Variants in CSMD1 observed in about 807,000 individuals in gnomAD.
CSMD1 encodes the protein CUB and Sushi multiple domains 1.
In CSMD1, 213 loss-of-function variants were observed where a neutral mutation model predicts 417.5. That is an observed-to-expected ratio of 0.51 (90% confidence interval 0.46 to 0.57). The LOEUF is 0.57. CSMD1 is among the 20% of genes least tolerant of loss of function. The probability of loss-of-function intolerance (pLI) is 0.00; values close to 1 mark genes in which losing one functional copy is unlikely to be tolerated. For missense variants in CSMD1, 6,923 were observed against 4,529.7 expected (o/e 1.53, Z -15.17); for synonymous variants, 2,862 against 1,736.8 (o/e 1.65, Z -16.11).
intron 3 of CSMD1, among the ~76,000 whole-genome samples, chr8:4,121,222 C>G (rs1426040161): frequency 6.6e-6 from 1 of 152,094 alleles, no homozygotes; most frequent in African/African-American, 2.4e-5. Flanking sequence ...TCAAGCAATT[C>G]TCCTGCCTCA....
chr8:3,261,250 C>A (rs1317191234), intron 26 of CSMD1, among the ~76,000 whole-genome samples: 2 of 152,140 alleles, frequency 1.3e-5, no homozygotes, highest in African/African-American at 2.4e-5. Context: ...AACAGAATCA[C>A]GTACGCGTTG....
intron 51 of CSMD1, among the ~76,000 whole-genome samples, chr8:3,026,620 C>T (rs183162119): frequency 2.3e-4 from 35 of 152,018 alleles, no homozygotes; most frequent in African/African-American, 5.6e-4. Flanking sequence ...TGGACCTCAC[C>T]GGGCCTCCAG....
intron 5 of CSMD1, among the ~76,000 whole-genome samples, chr8:3,920,660 A>T (rs1407258551): frequency 1.3e-5 from 2 of 152,062 alleles, no homozygotes; most frequent in Admixed American, 1.3e-4. Flanking sequence ...TTCAACACAT[A>T]ATTTGTTGAG....
chr8:4,100,909 G>A (rs1304858968), intron 3 of CSMD1, among the ~76,000 whole-genome samples: 1 of 152,192 alleles, frequency 6.6e-6, no homozygotes, highest in Admixed American at 6.5e-5. Flanking sequence ...AGAACAGAAA[G>A]TGGTGTATAT....
At chr8:4,739,806 C>A (rs1490768025) in intron 1 of CSMD1, among the ~76,000 whole-genome samples, 2 of 152,160 alleles carry the variant, frequency 1.3e-5, no homozygotes, top group Non-Finnish European at 2.9e-5. Context: ...CCTGCTGCAA[C>A]AGCCTCCTTT....
intron 1 of CSMD1, among the ~76,000 whole-genome samples, chr8:4,884,254 T>A (rs1212567431): frequency 6.6e-6 from 1 of 152,004 alleles, no homozygotes; most frequent in Non-Finnish European, 1.5e-5. Context: ...TATATATACA[T>A]GTTATTTTTT....
At position 3,322,798 on chromosome 8, in the gene CSMD1, CTCCTG is replaced by C. The variant is rs1584998184; in HGVS notation, c.3632-14300_3632-14296del. Among the ~76,000 whole-genome samples the C allele has an allele frequency of 2.0e-5, 3 of 152,244 alleles. No homozygotes were observed. In the East Asian group the frequency reaches 5.8e-4, roughly 29 times the overall value. On this transcript the variant is annotated intron_variant, in intron 23 of 69. Coordinates refer to ENST00000635120, the MANE Select transcript of CSMD1 (RefSeq NM_033225.6). Reference sequence around the variant, plus strand: ...CTCAAACATCACCAAGGAGGCATTTCTCCTGTCCAGTCTGCTTACAAAATCATTTC... The same window carrying C: ...CTCAAACATCACCAAGGAGGCATTTCTCCAGTCTGCTTACAAAATCATTTC...
chr8:4,368,504 G>C (rs113774567), intron 3 of CSMD1, among the ~76,000 whole-genome samples: 1 of 152,140 alleles, frequency 6.6e-6, no homozygotes, highest in Non-Finnish European at 1.5e-5. Context: ...TTAGAGAGAA[G>C]TCCCTCTTTC....
At chr8:4,525,161 A>G (rs112714459) in intron 2 of CSMD1, among the ~76,000 whole-genome samples, 11,624 of 152,272 alleles carry the variant, frequency 0.076, 496 homozygotes, top group Non-Finnish European at 0.079. Context: ...GGAAAAGTTG[A>G]CCAGGCTCCC....
intron 5 of CSMD1, among the ~76,000 whole-genome samples, chr8:3,987,453 T>C (rs1386615608): frequency 6.6e-6 from 1 of 152,212 alleles, no homozygotes; most frequent in Non-Finnish European, 1.5e-5. Flanking sequence ...TTTCTGACTT[T>C]TACTTTCATA....
intron 3 of CSMD1, among the ~76,000 whole-genome samples, chr8:4,230,241 A>G (rs978192280): frequency 4.6e-5 from 7 of 152,196 alleles, no homozygotes; most frequent in Non-Finnish European, 1.0e-4. Context: ...GTGTTGCTCT[A>G]CAATAGATTT....
rs182709772 is a variant in CSMD1 at position 4,302,088 on chromosome 8, G to C, written c.415+117865C>G. Among the ~76,000 whole-genome samples the C allele has an allele frequency of 1.1e-3, 173 of 152,250 alleles. 1 individual carries two copies. The highest frequency in any genetic ancestry group is 4.0e-3 in the African/African-American group (167 of 41,540). On this transcript the variant is annotated intron_variant, in intron 3 of 69. Transcript: ENST00000635120. ...TCCACAAACTTTATGAAGACCCCTT[G>C]TATAGTTCATCATGTTCATTATGTA...
At chr8:4,484,201 A>C (rs1801246971) in intron 2 of CSMD1, among the ~76,000 whole-genome samples, 1 of 135,384 alleles carries the variant, frequency 7.4e-6, no homozygotes, top group Non-Finnish European at 1.6e-5. Context: ...GGATGACACG[A>C]AAAAAAAAAA....
chr8:3,973,719 A>G (rs2130107679), intron 5 of CSMD1, among the ~76,000 whole-genome samples: 1 of 152,334 alleles, frequency 6.6e-6, no homozygotes, highest in Non-Finnish European at 1.5e-5. Context: ...TCACTTTGCA[A>G]GAACAGTGGC....
At chr8:3,671,209 G>C (rs945838103) in intron 7 of CSMD1, among the ~76,000 whole-genome samples, 2 of 146,892 alleles carry the variant, frequency 1.4e-5, no homozygotes, top group African/African-American at 2.5e-5. Context: ...TGGGATCTAT[G>C]TATAGGGGAT....
intron 37 of CSMD1, among the ~76,000 whole-genome samples, chr8:3,166,383 AAG>A (rs1456792258): frequency 6.6e-6 from 1 of 151,880 alleles, no homozygotes; most frequent in African/African-American, 2.4e-5. Context: ...CAAATGCAAA[AAG>A]TACCCGGGCG....
intron 1 of CSMD1, among the ~76,000 whole-genome samples, chr8:4,726,450 T>C (rs1273729104): frequency 6.6e-6 from 1 of 152,238 alleles, no homozygotes; most frequent in African/African-American, 2.4e-5. Flanking sequence ...TCCAGCTCTT[T>C]GTGCTCCTTA....
At chr8:2,982,965 G>T (rs577788985) in intron 54 of CSMD1, among the ~76,000 whole-genome samples, 45 of 152,186 alleles carry the variant, frequency 3.0e-4, no homozygotes, top group Non-Finnish European at 5.9e-4. Flanking sequence ...TCCTCTCCAT[G>T]GCACAGATGC....
chr8:4,630,633 G>A (rs1389469503), intron 2 of CSMD1, among the ~76,000 whole-genome samples: 1 of 152,146 alleles, frequency 6.6e-6, no homozygotes, highest in African/African-American at 2.4e-5. Context: ...AAATCTGTAG[G>A]TAGAATAGTG....
Sources: allele counts gnomAD v4.1 joint callset (sites outside exome capture counted in the v4.1 genomes callset), GRCh38; gene constraint gnomAD v4.1.1; transcripts MANE v1.5; gene names NCBI Gene and HGNC (gene_info 2026-07-23, HGNC 2026-07-21).